Variants in RALYL observed in about 807,000 individuals in gnomAD.
RALYL encodes the protein RNA-binding Raly-like protein.
In RALYL, 29 loss-of-function variants were observed where a neutral mutation model predicts 35.1. The observed-to-expected ratio is 0.83, with a 90% CI of 0.61 to 1.13. The LOEUF is 1.13. RALYL is among the 50% of genes most tolerant of loss of function. The pLI is 0.00. For missense variants in RALYL, 359 were observed against 360.4 expected (o/e 1.00, Z 0.03); for synonymous variants, 120 against 127.6 (o/e 0.94, Z 0.40).
chr8:84,608,439 G>A (rs190939821), intron 2 of RALYL, among the ~76,000 whole-genome samples: 115 of 152,184 alleles, frequency 7.6e-4, no homozygotes, highest in African/African-American at 2.4e-3. Flanking sequence ...GTGGAGATGC[G>A]ATTGCTGTTT....
In RALYL at chr8:84,827,291, A is replaced by C. The variant is rs947062234; in HGVS notation, c.365+22489A>C. Among the ~76,000 whole-genome samples the C allele has an allele frequency of 1.2e-4, 19 of 152,274 alleles. No homozygotes were observed. The Middle Eastern group carries it at 0.01, about 82-fold the overall frequency. On this transcript the variant is annotated intron_variant, in intron 4 of 8. Transcript: ENST00000521268. ...ATACAAGAAAATATCCTAAAACTGA[A>C]AGATACGAGTTTTCTAATAAAATAT...
At chr8:84,338,686 A>C (rs1429771989) in intron 1 of RALYL, among the ~76,000 whole-genome samples, 1 of 152,062 alleles carries the variant, frequency 6.6e-6, no homozygotes, top group Admixed American at 6.6e-5. Flanking sequence ...GGTCTTTTTT[A>C]TACCTTGGTA....
chr8:84,431,979 T>C (rs1489182439), intron 1 of RALYL, among the ~76,000 whole-genome samples: 1 of 152,082 alleles, frequency 6.6e-6, no homozygotes, highest in East Asian at 1.9e-4. Flanking sequence ...CTGTACACTG[T>C]TGGGAATGTA....
At chr8:84,331,227 C>T (rs897634568) in intron 1 of RALYL, among the ~76,000 whole-genome samples, 2 of 151,964 alleles carry the variant, frequency 1.3e-5, no homozygotes, top group Non-Finnish European at 2.9e-5. Flanking sequence ...TAGTTAGCCA[C>T]CATAATATTG....
chr8:84,805,067 C>T (rs1361847048), intron 4 of RALYL, among the ~76,000 whole-genome samples: 2 of 152,148 alleles, frequency 1.3e-5, no homozygotes, highest in African/African-American at 4.8e-5. Context: ...CATCCATATT[C>T]TCTTCATGTA....
intron 2 of RALYL, among the ~76,000 whole-genome samples, chr8:84,585,507 T>C (rs1811792095): frequency 6.6e-6 from 1 of 152,214 alleles, no homozygotes; most frequent in South Asian, 2.1e-4. Context: ...TTAACGTGTA[T>C]ATACAAATAT....
intron 2 of RALYL, among the ~76,000 whole-genome samples, chr8:84,682,930 T>A (rs529638964): frequency 3.3e-4 from 51 of 152,268 alleles, no homozygotes; most frequent in Admixed American, 2.9e-3. Flanking sequence ...TTAATTGTGA[T>A]GTTAGGGTGT....
intron 1 of RALYL, among the ~76,000 whole-genome samples, chr8:84,431,898 A>G (rs1232354298): frequency 6.6e-6 from 1 of 152,164 alleles, no homozygotes; most frequent in East Asian, 1.9e-4. Context: ...TCCTTTGGTT[A>G]TATACCCAGT....
chr8:84,564,479 C>A (rs1455242535), intron 2 of RALYL, among the ~76,000 whole-genome samples: 1 of 151,708 alleles, frequency 6.6e-6, no homozygotes, highest in African/African-American at 2.4e-5. Flanking sequence ...GCTTAAGGCT[C>A]AATCCATATG....
rs1813489987 is a variant in RALYL at position 84,190,078 on chromosome 8, T to C, written c.-24+5654T>C. Among the ~76,000 whole-genome samples, 3 of 152,224 alleles carry C rather than the reference T, an allele frequency of 2.0e-5. No homozygotes were observed. In the South Asian group the frequency reaches 6.2e-4, roughly 32 times the overall value. ...CCTGGGAAACACATTCAGCATTTAC[T>C]TACTGAGTACAAAATGTAATCTCTA... On this transcript the variant is annotated intron_variant, in intron 1 of 8. Coordinates refer to ENST00000521268, the MANE Select transcript of RALYL (RefSeq NM_173848.7).
chr8:84,579,644 A>G (rs554649293), intron 2 of RALYL, among the ~76,000 whole-genome samples: 1 of 152,344 alleles, frequency 6.6e-6, no homozygotes, highest in Admixed American at 6.5e-5. Context: ...TTTTGGAATG[A>G]CAAGCATCTC....
intron 8 of RALYL, among the ~76,000 whole-genome samples, chr8:84,917,637 A>G (rs1050398395): frequency 1.3e-5 from 2 of 151,320 alleles, no homozygotes; most frequent in Admixed American, 6.6e-5. Flanking sequence ...TCACTGTCCT[A>G]TACTCTAAAT....
At chr8:84,525,593 C>T (rs1359663487) in intron 1 of RALYL, among the ~76,000 whole-genome samples, 1 of 152,006 alleles carries the variant, frequency 6.6e-6, no homozygotes, top group African/African-American at 2.4e-5. Context: ...TCCTTGGAGA[C>T]TCCAGATTTA....
chr8:84,528,278 T>C (rs2134908995), intron 1 of RALYL, among the ~76,000 whole-genome samples: 1 of 152,124 alleles, frequency 6.6e-6, no homozygotes, highest in African/African-American at 2.4e-5. Flanking sequence ...ATGGTGTCTA[T>C]AAATTAATAG....
chr8:84,582,569 G>C (rs1408175124), intron 2 of RALYL, among the ~76,000 whole-genome samples: 1 of 151,776 alleles, frequency 6.6e-6, no homozygotes, highest in Non-Finnish European at 1.5e-5. Context: ...CACTTGATTT[G>C]TATTTCAAAT....
rs1273429716 is a variant in RALYL, at chr8:84,652,941, G to C, written c.257-121638G>C. On this transcript the variant is annotated intron_variant, in intron 2 of 8. Transcript: ENST00000521268. ...ATTGCATCAATGTACTGGAAAACTA[G>C]AAATATGGTTTCTACTTTAAATGCT... Among the ~76,000 whole-genome samples, 3 of 152,052 alleles carry C rather than the reference G, an allele frequency of 2.0e-5. No individual in the cohort carries two copies. In the East Asian group the frequency reaches 5.8e-4, roughly 29 times the overall value.
chr8:84,886,449 A>C (rs959616027), intron 7 of RALYL, among the ~76,000 whole-genome samples: 1 of 152,156 alleles, frequency 6.6e-6, no homozygotes, highest in Admixed American at 6.6e-5. Context: ...AACTACCTTT[A>C]TTGTCATAAA....
At chr8:84,873,487 C>T (rs1275819592) in intron 7 of RALYL, 90 bp downstream of exon 7, 2 of 715,764 alleles carry the variant, frequency 2.8e-6, no homozygotes, top group Middle Eastern at 2.9e-4. Flanking sequence ...AAGACACTGG[C>T]TGAGTTTAAC....
intron 1 of RALYL, among the ~76,000 whole-genome samples, chr8:84,204,014 A>G (rs948705994): frequency 1.3e-5 from 2 of 151,684 alleles, no homozygotes; most frequent in Admixed American, 6.6e-5. Context: ...TGTGTAATGT[A>G]TATCATATAT....
Sources: allele counts gnomAD v4.1 joint callset (sites outside exome capture counted in the v4.1 genomes callset), GRCh38; gene constraint gnomAD v4.1.1; transcripts MANE v1.5; gene names NCBI Gene and HGNC (gene_info 2026-07-23, HGNC 2026-07-21).